AIM2: variants seen among roughly 807,000 people sequenced by gnomAD.
AIM2 encodes the protein interferon-inducible protein AIM2.
Under a neutral mutation model 27.7 loss-of-function variants are expected in AIM2, and 30 were observed. That is an observed-to-expected ratio of 1.08 (90% confidence interval 0.81 to 1.47). The LOEUF is 1.47. Among genes scored for constraint, AIM2 ranks in the 40% most tolerant of loss-of-function variants. The probability of loss-of-function intolerance (pLI) is 0.00; values close to 1 mark genes in which losing one functional copy is unlikely to be tolerated. For missense variants in AIM2, 358 were observed against 411.3 expected, an observed-to-expected ratio of 0.87 and a Z score of 1.12; for synonymous variants, 141 against 145.3, an observed-to-expected ratio of 0.97 and a Z score of 0.21.
chr1:159,062,739 T>C (rs1180708394), intron 5 of AIM2, 21 bp from the exon 6 acceptor site: 4 of 1,613,182 alleles, frequency 2.5e-6, no homozygotes, highest in Non-Finnish European at 3.4e-6. Flanking sequence ...AAAAAAAACA[T>C]GCAGTCTGAG....
chr1:159,135,259 C>T (rs1647992166), intron 1 of AIM2, among the ~76,000 whole-genome samples: 1 of 152,200 alleles, frequency 6.6e-6, no homozygotes, highest in Non-Finnish European at 1.5e-5. Flanking sequence ...ATTACTTTCA[C>T]CTTCATCTCT....
chr1:159,074,912 C>T (rs1656531765), intron 1 of AIM2, among the ~76,000 whole-genome samples: 1 of 151,946 alleles, frequency 6.6e-6, no homozygotes, highest in African/African-American at 2.4e-5. Flanking sequence ...TCTATAAACT[C>T]CTATCCAAAA....
At chr1:159,119,084 C>T (rs1647460948) in intron 1 of AIM2, among the ~76,000 whole-genome samples, 1 of 152,032 alleles carries the variant, frequency 6.6e-6, no homozygotes, top group Non-Finnish European at 1.5e-5. Context: ...GGGATCCGCT[C>T]CTCTTTTACT....
chr1:159,111,875 T>TA (rs1186415984), intron 1 of AIM2, among the ~76,000 whole-genome samples: 1 of 147,138 alleles, frequency 6.8e-6, no homozygotes, highest in Non-Finnish European at 1.5e-5. Context: ...TCTATCTATC[T>TA]ATCTATCTAT....
At chr1:159,114,062 T>C (rs1274160502) in intron 1 of AIM2, among the ~76,000 whole-genome samples, 1 of 152,198 alleles carries the variant, frequency 6.6e-6, no homozygotes, top group Non-Finnish European at 1.5e-5. Context: ...CAGCCAAAGA[T>C]TATTTTAGGT....
upstream of AIM2, among the ~76,000 whole-genome samples, chr1:159,142,093 G>A (rs1648125430): frequency 6.6e-6 from 1 of 152,134 alleles, no homozygotes; most frequent in Non-Finnish European, 1.5e-5. Flanking sequence ...TTTCATCCCA[G>A]TCCAGCTATT....
intron 1 of AIM2, among the ~76,000 whole-genome samples, chr1:159,075,534 TACACACACACACAC>T (rs55988373): frequency 8.1e-4 from 105 of 129,534 alleles, no homozygotes; most frequent in South Asian, 4.3e-3. Flanking sequence ...ATACCTGCAA[TACACACACACACAC>T]ACACACACAC....
At chr1:159,093,585 T>C (rs961728717) in intron 1 of AIM2, among the ~76,000 whole-genome samples, 4 of 152,146 alleles carry the variant, frequency 2.6e-5, no homozygotes, top group African/African-American at 4.8e-5. Context: ...TATTCATGGA[T>C]ACTCATGTGC....
chr1:159,095,457 T>C (rs541137225), intron 1 of AIM2, among the ~76,000 whole-genome samples: 14 of 152,292 alleles, frequency 9.2e-5, no homozygotes, highest in African/African-American at 3.4e-4. Context: ...GTAAGAGCAT[T>C]GAGACCTTGT....
chr1:159,060,157 C>T (rs1655786046), downstream of AIM2, among the ~76,000 whole-genome samples: 1 of 152,186 alleles, frequency 6.6e-6, no homozygotes. Context: ...TGTTGCCAAA[C>T]TGATGTTTCA....
At chr1:159,113,607 A>G (rs1647250199) in intron 1 of AIM2, among the ~76,000 whole-genome samples, 2 of 152,212 alleles carry the variant, frequency 1.3e-5, no homozygotes, top group South Asian at 4.1e-4. Context: ...AGTCAATACC[A>G]GCCCTTCTTT....
At chr1:159,061,280 T>C (rs979865643), downstream of AIM2, among the ~76,000 whole-genome samples, 2 of 152,226 alleles carry the variant, frequency 1.3e-5, no homozygotes, top group Non-Finnish European at 2.9e-5. Flanking sequence ...ATGTTGAGTG[T>C]ATTTTTATGT....
At chr1:159,108,609 G>T (rs1657503167) in intron 1 of AIM2, among the ~76,000 whole-genome samples, 1 of 152,180 alleles carries the variant, frequency 6.6e-6, no homozygotes, top group African/African-American at 2.4e-5. Context: ...AACTGTTGCT[G>T]TTTGTGGCGA....
At chr1:159,115,655 C>T (rs1428243568) in intron 1 of AIM2, among the ~76,000 whole-genome samples, 1 of 152,180 alleles carries the variant, frequency 6.6e-6, no homozygotes, top group Non-Finnish European at 1.5e-5. Context: ...AACTGGATCC[C>T]TTCCTTATAC....
At chr1:159,131,861 T>C (rs777749842) in intron 1 of AIM2, among the ~76,000 whole-genome samples, 2 of 152,236 alleles carry the variant, frequency 1.3e-5, no homozygotes, top group Non-Finnish European at 2.9e-5. Flanking sequence ...CTTGAATATA[T>C]AGATCATGGA....
intron 1 of AIM2, among the ~76,000 whole-genome samples, chr1:159,103,178 AT>A: frequency 6.6e-6 from 1 of 152,066 alleles, no homozygotes; most frequent in African/African-American, 2.4e-5. Context: ...TTCTTCTGGC[AT>A]TTTCCCTGCT....
At chr1:159,119,347 A>T (rs1647468740) in intron 1 of AIM2, among the ~76,000 whole-genome samples, 1 of 152,156 alleles carries the variant, frequency 6.6e-6, no homozygotes, top group Admixed American at 6.6e-5. Context: ...TTGGTGTACT[A>T]ATAACCTCTA....
chr1:159,137,718 TTA>T (rs1648037413), intron 1 of AIM2, among the ~76,000 whole-genome samples: 1 of 152,180 alleles, frequency 6.6e-6, no homozygotes, highest in African/African-American at 2.4e-5. Context: ...TAACTTGTTT[TTA>T]TATGTTAGAG....
intron 1 of AIM2, among the ~76,000 whole-genome samples, chr1:159,111,062 A>G (rs1363369415): frequency 1.3e-5 from 2 of 152,176 alleles, no homozygotes; most frequent in African/African-American, 2.4e-5. Context: ...TTTAGCATCT[A>G]CAATGAACAG....
Sources: gnomAD v4.1 joint callset for allele counts (sites outside exome capture counted in the v4.1 genomes callset) on GRCh38, gnomAD v4.1.1 for gene constraint, MANE v1.5 for transcripts, NCBI Gene and HGNC (gene_info 2026-07-23, HGNC 2026-07-21) for gene names.